CELF2: variants seen among roughly 807,000 people sequenced by gnomAD.
The protein encoded by CELF2 is CUG triplet repeat RNA-binding protein 2.
Under a neutral mutation model 62.6 loss-of-function variants are expected in CELF2, and 8 were observed. That is an observed-to-expected ratio of 0.13 (90% CI 0.07 to 0.23). CELF2 has a LOEUF of 0.23. Among genes scored for constraint, CELF2 ranks in the 10% least tolerant of loss-of-function variants. The pLI, the probability that CELF2 is intolerant of heterozygous loss-of-function variation, is 1.00. For synonymous variants in CELF2, 258 were observed against 250.0 expected, an observed-to-expected ratio of 1.03 and a Z score of -0.30; for missense variants, 333 against 671.0, an observed-to-expected ratio of 0.50 and a Z score of 5.56.
chr10:10,851,117 C>T (rs2059358131), intron 1 of CELF2, among the ~76,000 whole-genome samples: 1 of 152,066 alleles, frequency 6.6e-6, no homozygotes, highest in Non-Finnish European at 1.5e-5. Context: ...GAAACTGAGA[C>T]ATAGGTATTT....
chr10:10,668,282 A>G, the CELF2 span, among the ~76,000 whole-genome samples: 4 of 152,086 alleles, frequency 2.6e-5, no homozygotes, highest in Non-Finnish European at 4.4e-5. Context: ...TCCCCTTTTA[A>G]TCTTCCCTCC....
At chr10:10,558,341 T>G in the CELF2 span, among the ~76,000 whole-genome samples, 3 of 151,482 alleles carry the variant, frequency 2.0e-5, no homozygotes, top group African/African-American at 7.2e-5. Context: ...TTACATTTAT[T>G]GATTTGCGTA....
intron 1 of CELF2, among the ~76,000 whole-genome samples, chr10:11,062,292 A>G (rs967806838): frequency 6.6e-6 from 1 of 152,220 alleles, no homozygotes; most frequent in Non-Finnish European, 1.5e-5. Context: ...GCCCATGGAG[A>G]GGAAGTAAGT....
At chr10:10,474,017 G>A in the CELF2 span, among the ~76,000 whole-genome samples, 2 of 152,176 alleles carry the variant, frequency 1.3e-5, no homozygotes, top group African/African-American at 4.8e-5. Flanking sequence ...TTATAACAGT[G>A]CTATTTCCTA....
At chr10:10,616,571 A>G in the CELF2 span, among the ~76,000 whole-genome samples, 13 of 151,744 alleles carry the variant, frequency 8.6e-5, no homozygotes, top group African/African-American at 2.9e-4. Flanking sequence ...GGGTCTTGGC[A>G]TTATGCACTC....
At chr10:10,710,864 G>T in the CELF2 span, among the ~76,000 whole-genome samples, 1 of 152,086 alleles carries the variant, frequency 6.6e-6, no homozygotes, top group Non-Finnish European at 1.5e-5. Context: ...CGTTGATACT[G>T]GTTAGAGAAA....
chr10:10,642,634 C>A, the CELF2 span, among the ~76,000 whole-genome samples: 1 of 152,330 alleles, frequency 6.6e-6, no homozygotes, highest in Non-Finnish European at 1.5e-5. Flanking sequence ...TGTTACAGGG[C>A]ACTCATAATA....
chr10:10,724,292 A>G, the CELF2 span, among the ~76,000 whole-genome samples: 1 of 152,196 alleles, frequency 6.6e-6, no homozygotes, highest in South Asian at 2.1e-4. Flanking sequence ...CCTCATTGAT[A>G]AAGTGAAGGC....
At chr10:10,978,452 A>G (rs1224951646) in intron 2 of CELF2, among the ~76,000 whole-genome samples, 2 of 152,220 alleles carry the variant, frequency 1.3e-5, no homozygotes, top group African/African-American at 4.8e-5. Context: ...TTGGTAGCCA[A>G]TTAAGATGGC....
chr10:10,978,310 G>A (rs2051612563), intron 2 of CELF2, among the ~76,000 whole-genome samples: 1 of 152,092 alleles, frequency 6.6e-6, no homozygotes, highest in South Asian at 2.1e-4. Flanking sequence ...GCCTCTTACA[G>A]TTCTAATAAT....
At chr10:11,148,875 A>ACACACACACACACACACAC (rs1252145846) in intron 1 of CELF2, among the ~76,000 whole-genome samples, 9 of 126,050 alleles carry the variant, frequency 7.1e-5, no homozygotes, top group African/African-American at 2.9e-4. Context: ...CACACACACA[A>ACACACACACACACACACAC]AGCAAGCCCA....
chr10:10,583,001 C>G, the CELF2 span, among the ~76,000 whole-genome samples: 5 of 152,078 alleles, frequency 3.3e-5, no homozygotes, highest in Non-Finnish European at 5.9e-5. Flanking sequence ...GGAATCTGTG[C>G]AGTAGATAAT....
chr10:11,147,728 G>T (rs574325521), intron 1 of CELF2, among the ~76,000 whole-genome samples: 1 of 152,172 alleles, frequency 6.6e-6, no homozygotes, highest in African/African-American at 2.4e-5. Flanking sequence ...ACATAATAAC[G>T]GTTTGCCGAT....
intron 1 of CELF2, among the ~76,000 whole-genome samples, chr10:10,907,829 T>A (rs1302972250): frequency 1.3e-5 from 2 of 152,304 alleles, no homozygotes; most frequent in East Asian, 3.9e-4. Flanking sequence ...ATACATTGAA[T>A]ACACAGATTT....
chr10:10,645,257 C>T, the CELF2 span, among the ~76,000 whole-genome samples: 2 of 152,168 alleles, frequency 1.3e-5, no homozygotes, highest in East Asian at 1.9e-4. Flanking sequence ...CAGGGGCTGG[C>T]TGGATTGTTG....
At chr10:11,248,463 T>C (rs1282099955) in intron 3 of CELF2, among the ~76,000 whole-genome samples, 1 of 152,178 alleles carries the variant, frequency 6.6e-6, no homozygotes. Flanking sequence ...CTTCCTTCCA[T>C]TCTTCAGTGG....
chr10:11,264,163 C>T (rs1252461471), intron 5 of CELF2, among the ~76,000 whole-genome samples: 1 of 152,134 alleles, frequency 6.6e-6, no homozygotes, highest in Non-Finnish European at 1.5e-5. Flanking sequence ...TTTTTAATTG[C>T]ACGGTTGTTA....
At chr10:10,986,113 C>A (rs1008582547) in intron 2 of CELF2, among the ~76,000 whole-genome samples, 3 of 152,068 alleles carry the variant, frequency 2.0e-5, no homozygotes, top group African/African-American at 7.2e-5. Context: ...AGATTAATTT[C>A]CAGTTTTGTC....
At chr10:11,185,501 G>A (rs544865147) in intron 2 of CELF2, among the ~76,000 whole-genome samples, 8 of 152,184 alleles carry the variant, frequency 5.3e-5, no homozygotes, top group East Asian at 3.9e-4. Context: ...CGCAACCTCC[G>A]CCTCCTGGAT....
Sources: allele counts gnomAD v4.1 joint callset (sites outside exome capture counted in the v4.1 genomes callset), GRCh38; gene constraint gnomAD v4.1.1; transcripts MANE v1.5; gene names NCBI Gene and HGNC (gene_info 2026-07-23, HGNC 2026-07-21).